Variants in NRXN1 observed in about 807,000 individuals in gnomAD.
The protein encoded by NRXN1 is neurexin 1, also known as neurexin-1.
In NRXN1, 39 loss-of-function variants were observed where a neutral mutation model predicts 150.9. The observed-to-expected ratio is 0.26, with a 90% CI of 0.20 to 0.34. NRXN1 has a LOEUF of 0.34. Ranked by LOEUF, NRXN1 falls within the 10% of genes least tolerant of loss-of-function variation. The probability of loss-of-function intolerance (pLI) is 1.00; values close to 1 mark genes in which losing one functional copy is unlikely to be tolerated. For synonymous variants in NRXN1, 924 were observed against 757.0 expected (o/e 1.22, Z -3.62); for missense variants, 1,815 against 1,949.9 (o/e 0.93, Z 1.30).
At chr2:50,122,561 T>G (rs1339215637) in intron 18 of NRXN1, among the ~76,000 whole-genome samples, 2 of 152,200 alleles carry the variant, frequency 1.3e-5, no homozygotes, top group African/African-American at 2.4e-5. Context: ...GACATTTCAG[T>G]CTCATCTGAC....
At chr2:50,545,704 T>C (rs1304916500) in intron 9 of NRXN1, among the ~76,000 whole-genome samples, 1 of 152,204 alleles carries the variant, frequency 6.6e-6, no homozygotes, top group Non-Finnish European at 1.5e-5. Context: ...ATATTACTTA[T>C]TCATTTATGA....
chr2:50,774,750 G>C lies in NRXN1; in HGVS notation c.832+147119C>G, dbSNP rs1267013063. On this transcript the variant is annotated intron_variant, in intron 5 of 22. Transcript: ENST00000401669. The stretch of plus-strand genomic sequence containing the variant: ...ACTCAAGTTCTAGTTCCTTTTAAAT[G>C]TGTCTGGACAATCTGGTTGTATCAC... Among the ~76,000 whole-genome samples the C allele has an allele frequency of 3.9e-5, 6 of 152,138 alleles. No homozygotes were observed. The East Asian group carries it at 1.2e-3, about 30-fold the overall frequency.
chr2:50,467,638 G>A (rs1035496176), intron 16 of NRXN1, among the ~76,000 whole-genome samples: 30 of 151,352 alleles, frequency 2.0e-4, no homozygotes, highest in African/African-American at 7.0e-4. Flanking sequence ...CCATGATATT[G>A]TAAATCTTAA....
At chr2:50,274,437 C>T (rs1203733575) in intron 17 of NRXN1, among the ~76,000 whole-genome samples, 1 of 152,032 alleles carries the variant, frequency 6.6e-6, no homozygotes, top group Non-Finnish European at 1.5e-5. Context: ...GGAGAAGTAC[C>T]TAATGCATGC....
At chr2:50,257,015 G>A (rs966124130) in intron 17 of NRXN1, among the ~76,000 whole-genome samples, 2 of 151,814 alleles carry the variant, frequency 1.3e-5, no homozygotes, top group Non-Finnish European at 2.9e-5. Context: ...GACAGCAAAG[G>A]GTGTTTATCC....
At chr2:49,997,143 A>G (rs890816013) in intron 21 of NRXN1, among the ~76,000 whole-genome samples, 1 of 152,152 alleles carries the variant, frequency 6.6e-6, no homozygotes, top group East Asian at 1.9e-4. Flanking sequence ...TGAAATACCA[A>G]TGGGTCAACA....
intron 18 of NRXN1, among the ~76,000 whole-genome samples, chr2:50,139,324 CAAAAAAAAAAA>C (rs35142652): frequency 1.3e-5 from 1 of 77,402 alleles, no homozygotes; most frequent in African/African-American, 4.6e-5. Flanking sequence ...GACTTGGTAT[CAAAAAAAAAAA>C]AAAAAAAAAA....
At chr2:50,044,271 G>T (rs1691464427) in intron 21 of NRXN1, among the ~76,000 whole-genome samples, 1 of 152,154 alleles carries the variant, frequency 6.6e-6, no homozygotes, top group South Asian at 2.1e-4. Flanking sequence ...ATAAAAAAAT[G>T]TAGCTTCCCC....
At chr2:50,713,953 A>G (rs905592730) in intron 5 of NRXN1, among the ~76,000 whole-genome samples, 1 of 152,184 alleles carries the variant, frequency 6.6e-6, no homozygotes, top group African/African-American at 2.4e-5. Flanking sequence ...TTTAAATTAT[A>G]CCATCACATC....
chr2:49,964,673 C>T (rs1210427042), intron 21 of NRXN1, among the ~76,000 whole-genome samples: 2 of 151,946 alleles, frequency 1.3e-5, no homozygotes, highest in Non-Finnish European at 2.9e-5. Flanking sequence ...AACCATGTCT[C>T]TACTAAAAAT....
At chr2:50,661,099 T>C (rs1687237594) in intron 5 of NRXN1, among the ~76,000 whole-genome samples, 1 of 148,644 alleles carries the variant, frequency 6.7e-6, no homozygotes, top group Non-Finnish European at 1.5e-5. Flanking sequence ...ATATATATAC[T>C]AGTATGTACT....
At chr2:50,040,466 G>C (rs939834409) in intron 21 of NRXN1, among the ~76,000 whole-genome samples, 1 of 151,784 alleles carries the variant, frequency 6.6e-6, no homozygotes, top group African/African-American at 2.4e-5. Context: ...TTCATATCCA[G>C]GATTGTATAA....
chr2:50,669,382 T>C (rs1688522844), intron 5 of NRXN1, among the ~76,000 whole-genome samples: 1 of 151,954 alleles, frequency 6.6e-6, no homozygotes, highest in African/African-American at 2.4e-5. Context: ...AAATACTCAT[T>C]GCAATAGAAA....
chr2:50,230,467 AAT>A (rs2064833477), intron 18 of NRXN1, among the ~76,000 whole-genome samples: 1 of 152,070 alleles, frequency 6.6e-6, no homozygotes, highest in African/African-American at 2.4e-5. Context: ...ACAAAGGAAT[AAT>A]ATGATCAAAG....
At chr2:50,470,123 G>T (rs2089316537) in intron 16 of NRXN1, among the ~76,000 whole-genome samples, 1 of 151,530 alleles carries the variant, frequency 6.6e-6, no homozygotes, top group African/African-American at 2.4e-5. Flanking sequence ...CAAACAACTT[G>T]TAGAAAGGCC....
At chr2:50,914,748 G>GA (rs1428152724) in intron 5 of NRXN1, among the ~76,000 whole-genome samples, 1 of 151,392 alleles carries the variant, frequency 6.6e-6, no homozygotes, top group Admixed American at 6.6e-5. Context: ...GAGCAAAAAG[G>GA]AAAAAGAAAT....
intron 5 of NRXN1, among the ~76,000 whole-genome samples, chr2:50,661,168 G>A (rs1223686606): frequency 6.6e-6 from 1 of 152,004 alleles, no homozygotes; most frequent in East Asian, 1.9e-4. Context: ...CAGGTGACTG[G>A]ATTAGCTTCT....
At chr2:50,921,258 C>A (rs554127239) in intron 5 of NRXN1, among the ~76,000 whole-genome samples, 49 of 151,890 alleles carry the variant, frequency 3.2e-4, no homozygotes, top group Non-Finnish European at 5.9e-4. Flanking sequence ...AAAGAGTACA[C>A]ATGCCTGACT....
chr2:50,802,650 A>G (rs563294718), intron 5 of NRXN1, among the ~76,000 whole-genome samples: 3 of 152,002 alleles, frequency 2.0e-5, no homozygotes, highest in Admixed American at 2.0e-4. Context: ...GGAGGGAGGG[A>G]AGGAAGGAAA....
Sources: allele counts gnomAD v4.1 joint callset (sites outside exome capture counted in the v4.1 genomes callset), GRCh38; gene constraint gnomAD v4.1.1; transcripts MANE v1.5; gene names NCBI Gene and HGNC (gene_info 2026-07-23, HGNC 2026-07-21).